The following PRAG1 variants were observed in gnomAD, a reference collection of about 807,000 sequenced individuals.
PRAG1 encodes the protein PEAK1 related, kinase-activating pseudokinase 1, also known as inactive tyrosine-protein kinase PRAG1.
A neutral mutation model predicts 95.6 loss-of-function variants in PRAG1; 110 were observed. The ratio of observed to expected loss-of-function variants is 1.15; its 90% CI spans 0.99 to 1.35. The LOEUF (loss-of-function observed/expected upper bound fraction) is 1.35, where lower values mean the gene tolerates loss of function less well. PRAG1 is among the 40% of genes most tolerant of loss of function. PRAG1 has a pLI of 0.00. For synonymous variants in PRAG1, 1,052 were observed against 819.4 expected, an observed-to-expected ratio of 1.28 and a Z score of -4.85; for missense variants, 2,554 against 1,864.7, an observed-to-expected ratio of 1.37 and a Z score of -6.81.
intron 3 of PRAG1, among the ~76,000 whole-genome samples, chr8:8,345,473 C>T (rs1490511552): frequency 2.0e-5 from 3 of 152,012 alleles, no homozygotes; most frequent in Admixed American, 6.5e-5. Flanking sequence ...CCAAAACACA[C>T]GTAGGTGACC....
intron 1 of PRAG1, 106 bp downstream of exon 1, chr8:8,386,214 CG>C (rs59807560): frequency 0.041 from 6,267 of 152,268 alleles, 169 homozygotes; most frequent in African/African-American, 0.078. Flanking sequence ...CCTGTCACCC[CG>C]GGGGTAGCCC....
intron 3 of PRAG1, among the ~76,000 whole-genome samples, chr8:8,364,419 T>C (rs542429966): frequency 6.6e-6 from 1 of 152,310 alleles, no homozygotes; most frequent in African/African-American, 2.4e-5. Context: ...GCCTTGTCAG[T>C]CTTTGATACA....
At chr8:8,349,436 T>A (rs866960895) in intron 3 of PRAG1, among the ~76,000 whole-genome samples, 17 of 152,046 alleles carry the variant, frequency 1.1e-4, no homozygotes, top group African/African-American at 2.9e-4. Context: ...GCCCGCCACC[T>A]CGCCAGGCTA....
At chr8:8,332,985 A>T (rs1486346635) in intron 4 of PRAG1, among the ~76,000 whole-genome samples, 1 of 152,248 alleles carries the variant, frequency 6.6e-6, no homozygotes, top group East Asian at 1.9e-4. Context: ...TTCCGAGTTC[A>T]CAGGCAAACC....
chr8:8,349,266 CTATTTATT>C (rs10672013), intron 3 of PRAG1, among the ~76,000 whole-genome samples: 2,230 of 149,338 alleles, frequency 0.015, 44 homozygotes, highest in African/African-American at 0.053. Context: ...ATCTATCTAT[CTATTTATT>C]TATTTATTTA....
At chr8:8,385,225 C>T (rs565696196) in intron 1 of PRAG1, among the ~76,000 whole-genome samples, 2 of 152,302 alleles carry the variant, frequency 1.3e-5, no homozygotes, top group South Asian at 2.1e-4. Flanking sequence ...TGAACTTCAG[C>T]ACACTCCACT....
chr8:8,380,155 G>C (rs567637330), intron 2 of PRAG1, among the ~76,000 whole-genome samples: 1 of 152,112 alleles, frequency 6.6e-6, no homozygotes, highest in East Asian at 1.9e-4. Context: ...TGTACCTCTA[G>C]TCTTAGATTC....
intron 3 of PRAG1, among the ~76,000 whole-genome samples, chr8:8,342,545 T>C (rs28633098): frequency 0.041 from 6,166 of 152,208 alleles, 418 homozygotes; most frequent in African/African-American, 0.14. Context: ...CTCTGAAAGA[T>C]TGCGAAAACT....
chr8:8,341,082 A>T (rs1799146670), intron 3 of PRAG1, among the ~76,000 whole-genome samples: 2 of 152,120 alleles, frequency 1.3e-5, no homozygotes, highest in Admixed American at 1.3e-4. Flanking sequence ...ATGCATAACA[A>T]CTCCTCAGTC....
At chr8:8,346,354 A>G (rs999853013) in intron 3 of PRAG1, among the ~76,000 whole-genome samples, 1 of 152,224 alleles carries the variant, frequency 6.6e-6, no homozygotes, top group Non-Finnish European at 1.5e-5. Flanking sequence ...GATAAAAGAC[A>G]TCTTGTGCTT....
Position 8,376,233 on chromosome 8 carries a change from A to G in PRAG1, c.2162+14T>C. 1 of 1,607,720 alleles carries G rather than the reference A, an allele frequency of 6.2e-7. No individual in the cohort carries two copies. Among genetic ancestry groups the G allele is most frequent in the Non-Finnish European group, 8.5e-7 (1 of 1,177,010 alleles). On this transcript the variant is annotated intron_variant, in intron 3 of 5. Coordinates refer to ENST00000615670, the MANE Select transcript of PRAG1 (RefSeq NM_001080826.3). ...GCCCTGCAGACAGAGTCCCAGGCAG[A>G]CAATGGTACTCACCGCGACTTTGGA...
chr8:8,378,227 G>C, intron 2 of PRAG1, 149 bp from the exon 3 acceptor site: 1 of 866,446 alleles, frequency 1.2e-6, no homozygotes, highest in Non-Finnish European at 1.7e-6. Context: ...CTCAGTGCAC[G>C]CCCACCTTCT....
intron 1 of PRAG1, among the ~76,000 whole-genome samples, chr8:8,384,786 A>C (rs1010369422): frequency 1.3e-5 from 2 of 152,198 alleles, no homozygotes. Flanking sequence ...GGCACTTCGC[A>C]GCCCACATTC....
chr8:8,332,977 C>T (rs1020656778), intron 4 of PRAG1, among the ~76,000 whole-genome samples: 2 of 152,188 alleles, frequency 1.3e-5, no homozygotes, highest in Non-Finnish European at 2.9e-5. Flanking sequence ...TAAAATACTT[C>T]CGAGTTCACA....
chr8:8,365,430 C>G (rs1287528426), intron 3 of PRAG1, among the ~76,000 whole-genome samples: 1 of 151,800 alleles, frequency 6.6e-6, no homozygotes, highest in Non-Finnish European at 1.5e-5. Flanking sequence ...TCGAGACCAC[C>G]TGACCGACAT....
Position 8,328,212 on chromosome 8 carries a change from T to C in PRAG1, c.2570A>G (p.His857Arg). ...LNLSHSETNV[H>R]DESHFSYSLS... Reference sequence around the variant, plus strand: ...CGAATAGCTAAAGTGAGATTCGTCGTGGACGTTGGTTTCCGAGTGGCTTAG... The same window carrying C: ...CGAATAGCTAAAGTGAGATTCGTCGCGGACGTTGGTTTCCGAGTGGCTTAG... Residue 857 changes from histidine to arginine, a missense_variant, in exon 5 of 6, where the codon CAC becomes CGC. Transcript: ENST00000615670. 1 of 1,614,198 alleles carries C rather than the reference T, an allele frequency of 6.2e-7. No individual in the cohort carries two copies. The highest frequency in any genetic ancestry group is 1.3e-5 in the African/African-American group (1 of 75,054).
chr8:8,377,377 G>T lies in PRAG1; in HGVS notation c.1032C>A (p.Gly344=). Residue 344 remains glycine, a synonymous_variant, in exon 3 of 6, where the codon GGC becomes GGA. Transcript: ENST00000615670. ...AAISSDGLSC[G]SGSGSGSGAS... ...CGCCGCTGCCGCTGCCGCTGCCGCTGCCACAAGAGAGGCCGTCGGAAGAAA... is the reference window on the plus strand; with the variant it reads ...CGCCGCTGCCGCTGCCGCTGCCGCTTCCACAAGAGAGGCCGTCGGAAGAAA... The T allele has an allele frequency of 6.5e-7, 1 of 1,527,234 alleles. No homozygotes were observed. The highest frequency in any genetic ancestry group is 8.9e-7 in the Non-Finnish European group (1 of 1,122,418). 94.6% of individuals were successfully genotyped at this position (1,527,234 alleles called of 1,614,324 possible). A position where few individuals can be genotyped will look rare whatever the true frequency, so the allele number is the denominator to read the frequency against.
In PRAG1 at chr8:8,376,295, C is replaced by T; in HGVS notation, c.2114G>A (p.Arg705Lys). The stretch of plus-strand genomic sequence containing the variant: ...AGGTGAGAATGTCTCAATCCCACTT[C>T]TGTCCTTGGGGAACTCAAAGGCAAA... Reference protein sequence around the residue: ...ASFAFEFPKDRSGIETFSPPP... With the variant: ...ASFAFEFPKDKSGIETFSPPP... Residue 705 changes from arginine (R) to lysine (K), a missense_variant, in exon 3 of 6, where the codon AGA becomes AAA. By Grantham distance (26) the Arg-to-Lys change is conservative (BLOSUM62 2). Transcript: ENST00000615670. 1 of 1,614,212 alleles carries T rather than the reference C, an allele frequency of 6.2e-7. No individual in the cohort carries two copies. Among genetic ancestry groups the T allele is most frequent in the Non-Finnish European group, 8.5e-7 (1 of 1,180,048 alleles).
At chr8:8,363,838 A>G (rs1009836920) in intron 3 of PRAG1, among the ~76,000 whole-genome samples, 1 of 152,206 alleles carries the variant, frequency 6.6e-6, no homozygotes, top group Non-Finnish European at 1.5e-5. Flanking sequence ...TTTAATTTAT[A>G]TTAAGTATAT....
Sources: gnomAD v4.1 joint callset for allele counts (sites outside exome capture counted in the v4.1 genomes callset) on GRCh38, gnomAD v4.1.1 for gene constraint, MANE v1.5 for transcripts, NCBI Gene and HGNC (gene_info 2026-07-23, HGNC 2026-07-21) for gene names.